The following TRAPPC9 variants were observed in gnomAD, a reference collection of about 807,000 sequenced individuals.
The protein encoded by TRAPPC9 is trafficking protein particle complex subunit 9, also known as IKK2 binding protein.
A neutral mutation model predicts 124.0 loss-of-function variants in TRAPPC9; 83 were observed. The observed-to-expected ratio is 0.67, with a 90% CI of 0.56 to 0.80. The LOEUF is 0.80. Among genes scored for constraint, TRAPPC9 ranks in the 30% least tolerant of loss-of-function variants. TRAPPC9 has a pLI of 0.00. For missense variants in TRAPPC9, 1,302 were observed against 1,508.3 expected, an observed-to-expected ratio of 0.86 and a Z score of 2.27; for synonymous variants, 638 against 617.5, an observed-to-expected ratio of 1.03 and a Z score of -0.49.
chr8:139,732,777 G>A (rs1161131544), intron 21 of TRAPPC9, among the ~76,000 whole-genome samples: 1 of 152,170 alleles, frequency 6.6e-6, no homozygotes, highest in Admixed American at 6.5e-5. Context: ...CCTGTCCAGG[G>A]TGCCTGACAC....
chr8:140,264,896 G>A (rs1474893819), intron 15 of TRAPPC9, among the ~76,000 whole-genome samples: 3 of 152,174 alleles, frequency 2.0e-5, no homozygotes, highest in African/African-American at 7.2e-5. Flanking sequence ...ATGACCACGT[G>A]AGAGAGGGAC....
rs74958026 is a variant in TRAPPC9 at position 140,192,371 on chromosome 8, C to T, written c.2556+29088G>A. Among the ~76,000 whole-genome samples, 739 of 152,360 alleles carry T rather than the reference C, an allele frequency of 4.9e-3. 6 individuals are homozygous for T. Among genetic ancestry groups the T allele is most frequent in the African/African-American group, 0.017 (696 of 41,584 alleles). ...ATATTCCATGGCATGATCACCTCAA[C>T]GTAGGCAAAAGGACTCTGTTAGAAG... On this transcript the variant is annotated intron_variant, in intron 17 of 22. Transcript: ENST00000438773.
chr8:140,107,104 C>G (rs934673334), intron 17 of TRAPPC9, among the ~76,000 whole-genome samples: 2 of 152,082 alleles, frequency 1.3e-5, no homozygotes, highest in African/African-American at 4.8e-5. Context: ...TCAAAGAAGT[C>G]CTTGGCCAAA....
At chr8:140,040,395 CGCTCAGTGCTCCTAT>C (rs1221446487) in intron 17 of TRAPPC9, 6 of 152,248 alleles carry the variant, frequency 3.9e-5, no homozygotes, top group Admixed American at 3.9e-4. Context: ...AATAGGAGCA[CGCTCAGTGCTCCTAT>C]TTTAGACGGA....
intron 19 of TRAPPC9, among the ~76,000 whole-genome samples, chr8:139,926,607 T>TAA (rs57775985): frequency 0.25 from 35,601 of 140,100 alleles, 4,473 homozygotes; most frequent in East Asian, 0.38. Context: ...TGAATTAAAA[T>TAA]AAAAAAAAAA....
intron 7 of TRAPPC9, among the ~76,000 whole-genome samples, chr8:140,373,554 A>C (rs1263342271): frequency 6.6e-6 from 1 of 152,032 alleles, no homozygotes; most frequent in African/African-American, 2.4e-5. Context: ...ATTTACCTAC[A>C]TATCGGATCT....
At chr8:140,424,681 C>T (rs1022312408) in intron 5 of TRAPPC9, among the ~76,000 whole-genome samples, 6 of 148,850 alleles carry the variant, frequency 4.0e-5, no homozygotes, top group African/African-American at 1.5e-4. Flanking sequence ...GAAAAAAACA[C>T]AAGAAAAAAG....
intron 19 of TRAPPC9, among the ~76,000 whole-genome samples, chr8:139,958,613 A>G (rs1835151729): frequency 1.3e-5 from 2 of 152,164 alleles, no homozygotes; most frequent in Admixed American, 1.3e-4. Flanking sequence ...TCTTCTGCAA[A>G]AGGGCTGCTT....
intron 17 of TRAPPC9, among the ~76,000 whole-genome samples, chr8:140,181,663 T>C (rs780192547): frequency 1.3e-5 from 2 of 152,162 alleles, no homozygotes; most frequent in African/African-American, 4.8e-5. Context: ...GTCTCATACT[T>C]GTGGTTTTAT....
intron 21 of TRAPPC9, among the ~76,000 whole-genome samples, chr8:139,867,182 G>A (rs550382068): frequency 3.9e-5 from 6 of 152,188 alleles, no homozygotes; most frequent in African/African-American, 1.4e-4. Flanking sequence ...TGTGAGAAAT[G>A]AGTGATATCA....
At chr8:140,325,049 A>G (rs1318981525) in intron 9 of TRAPPC9, among the ~76,000 whole-genome samples, 1 of 152,182 alleles carries the variant, frequency 6.6e-6, no homozygotes, top group Admixed American at 6.5e-5. Context: ...ATCAATAACA[A>G]TACCATTTCC....
intron 21 of TRAPPC9, among the ~76,000 whole-genome samples, chr8:139,766,422 G>A (rs1820588641): frequency 1.3e-5 from 2 of 152,230 alleles, no homozygotes; most frequent in African/African-American, 4.8e-5. Context: ...TACCTCAACA[G>A]TTGGCACAGT....
intron 20 of TRAPPC9, 144 bp downstream of exon 20, chr8:139,910,003 C>T: frequency 1.1e-6 from 1 of 929,078 alleles, no homozygotes. Context: ...AATGCCAAGC[C>T]TTTGGTCCAC....
At chr8:140,129,321 A>C (rs1375374712) in intron 17 of TRAPPC9, among the ~76,000 whole-genome samples, 1 of 151,892 alleles carries the variant, frequency 6.6e-6, no homozygotes, top group African/African-American at 2.4e-5. Flanking sequence ...TGCCCAGGGG[A>C]GAGTCGAAGC....
rs147258887 is a variant in TRAPPC9, at chr8:139,973,479, T to C, written c.2810+15247A>G. 2.4e-4 allele frequency among the ~76,000 whole-genome samples: 36 copies of C among 152,328 alleles called. No individual in the cohort carries two copies. In the East Asian group the frequency reaches 2.7e-3, roughly 11 times the overall value. On this transcript the variant is annotated intron_variant, in intron 19 of 22. Transcript: ENST00000438773. Reference sequence around the variant, plus strand: ...CGTGAGGGTCACACAAGGCAGGGCTTACCAAGTCTACCTTCCTACCAAGAC... The same window carrying C: ...CGTGAGGGTCACACAAGGCAGGGCTCACCAAGTCTACCTTCCTACCAAGAC...
At chr8:139,800,903 C>T (rs1028199427) in intron 21 of TRAPPC9, among the ~76,000 whole-genome samples, 5 of 150,636 alleles carry the variant, frequency 3.3e-5, no homozygotes, top group Non-Finnish European at 7.4e-5. Flanking sequence ...CCTCCGGTAC[C>T]TTCCCTCCCT....
intron 7 of TRAPPC9, among the ~76,000 whole-genome samples, chr8:140,388,142 A>T (rs976947752): frequency 6.9e-6 from 1 of 145,588 alleles, no homozygotes; most frequent in East Asian, 2.1e-4. Context: ...CAAACACCGC[A>T]TGTTCTCACT....
chr8:140,329,807 A>C (rs1434362063), intron 9 of TRAPPC9, among the ~76,000 whole-genome samples: 3 of 152,164 alleles, frequency 2.0e-5, no homozygotes, highest in Non-Finnish European at 4.4e-5. Context: ...CCGGCCAGGC[A>C]TGGTGGCTCA....
At chr8:140,124,840 A>G (rs2061055344) in intron 17 of TRAPPC9, among the ~76,000 whole-genome samples, 1 of 152,250 alleles carries the variant, frequency 6.6e-6, no homozygotes, top group Non-Finnish European at 1.5e-5. Context: ...GGGGTGATCA[A>G]TGGGAGAAAA....
Sources: allele counts gnomAD v4.1 joint callset (sites outside exome capture counted in the v4.1 genomes callset), GRCh38; gene constraint gnomAD v4.1.1; transcripts MANE v1.5; gene names NCBI Gene and HGNC (gene_info 2026-07-23, HGNC 2026-07-21).